The following SMARCAL1 variants were observed in gnomAD, a reference collection of about 807,000 sequenced individuals.
The protein encoded by SMARCAL1 is SNF2 related chromatin remodeling annealing helicase 1.
In SMARCAL1, 58 loss-of-function variants were observed where a neutral mutation model predicts 94.5. That is an observed-to-expected ratio of 0.61 (90% confidence interval 0.50 to 0.76). The LOEUF (loss-of-function observed/expected upper bound fraction) is 0.76, where lower values mean the gene tolerates loss of function less well. Ranked by LOEUF, SMARCAL1 falls within the 30% of genes least tolerant of loss-of-function variation. SMARCAL1 has a pLI of 0.00. For synonymous variants in SMARCAL1, 422 were observed against 455.1 expected, an observed-to-expected ratio of 0.93 and a Z score of 0.93; for missense variants, 1,051 against 1,177.9, an observed-to-expected ratio of 0.89 and a Z score of 1.58.
chr2:216,438,397 C>T, intron 9 of SMARCAL1, 23 bp from the exon 10 acceptor site: 1 of 1,609,068 alleles, frequency 6.2e-7, no homozygotes, highest in Non-Finnish European at 8.5e-7. Flanking sequence ...ATCTTGTACA[C>T]TTATGTGGCT....
chr2:216,424,598 C>T (rs1381888557), intron 6 of SMARCAL1, among the ~76,000 whole-genome samples: 1 of 152,192 alleles, frequency 6.6e-6, no homozygotes. Context: ...AACTGGGTTC[C>T]TTCCTTTTGT....
At chr2:216,452,395 A>G (rs1236428134) in intron 12 of SMARCAL1, among the ~76,000 whole-genome samples, 2 of 152,230 alleles carry the variant, frequency 1.3e-5, no homozygotes, top group Non-Finnish European at 2.9e-5. Context: ...CAGACAAGAA[A>G]ACCAGTGAAC....
In SMARCAL1 at chr2:216,420,487, C is replaced by T; in HGVS notation, c.1051C>T (p.Gln351Ter). ...AYFEADISYSQDLIALFKQMD... is the reference protein window; with the variant it reads ...AYFEADISYS ...CTTCGAGGCAGACATCAGTTATTCA[C>T]AGGACCTTATTGCGCTTTTTAAACA... Residue 351 changes from glutamine to a stop codon, truncating the protein, a stop_gained, in exon 5 of 18, where the codon CAG (glutamine) becomes TAG (stop). Coordinates refer to ENST00000357276, the MANE Select transcript of SMARCAL1 (RefSeq NM_014140.4). LOFTEE classifies it high-confidence loss of function. The T allele has an allele frequency of 6.2e-7, 1 of 1,614,234 alleles. No homozygotes were observed. Among genetic ancestry groups the T allele is most frequent in the South Asian group, 1.1e-5 (1 of 91,088 alleles).
intron 7 of SMARCAL1, among the ~76,000 whole-genome samples, chr2:216,432,450 C>T (rs1344865327): frequency 6.6e-6 from 1 of 152,188 alleles, no homozygotes; most frequent in Non-Finnish European, 1.5e-5. Flanking sequence ...TCTTTGGCCT[C>T]CACGACCTAA....
chr2:216,450,288 C>T (rs1426797425), intron 11 of SMARCAL1, among the ~76,000 whole-genome samples: 2 of 152,224 alleles, frequency 1.3e-5, no homozygotes, highest in African/African-American at 4.8e-5. Context: ...ATGTGGTGGG[C>T]TCCTCCTGCC....
chr2:216,464,763 T>G, intron 13 of SMARCAL1, 96 bp downstream of exon 13: 1 of 884,612 alleles, frequency 1.1e-6, no homozygotes, highest in East Asian at 2.4e-5. Flanking sequence ...TTTTACTGCG[T>G]CTAAGAAATG....
chr2:216,458,895 C>T (rs1694633874), intron 12 of SMARCAL1, among the ~76,000 whole-genome samples: 1 of 152,122 alleles, frequency 6.6e-6, no homozygotes, highest in African/African-American at 2.4e-5. Context: ...GTCAAATTGT[C>T]CCTGTTTGCA....
At chr2:216,477,703 C>T (rs1449222240) in intron 16 of SMARCAL1, among the ~76,000 whole-genome samples, 4 of 152,154 alleles carry the variant, frequency 2.6e-5, no homozygotes, top group African/African-American at 7.2e-5. Context: ...ATTTTCAACC[C>T]TAGGGTTTTC....
Position 216,450,888 on chromosome 2 carries a change from G to A in SMARCAL1, c.1894G>A (p.Glu632Lys). ...CTACTCAGGTTCCTCCAACCTGGGA[G>A]AGCTGAAGCTCCTGCTGGAGGAAGC... ...WDYSGSSNLGELKLLLEEAVM... is the reference protein window; with the variant it reads ...WDYSGSSNLGKLKLLLEEAVM... The change falls in exon 12 of 18, where the codon GAG (glutamate) becomes AAG (lysine). Residue 632 changes from glutamate to lysine, a missense_variant. Glu to Lys is a moderately conservative substitution (Grantham distance 56). Around this residue, in one of 3 missense-constraint regions of SMARCAL1, gnomAD observed 642 missense variants for 754.7 expected, o/e 0.85. Transcript: ENST00000357276. 1 of 1,614,220 alleles carries A rather than the reference G, an allele frequency of 6.2e-7. No homozygotes were observed. Among genetic ancestry groups the A allele is most frequent in the South Asian group, 1.1e-5 (1 of 91,090 alleles).
At chr2:216,447,518 T>C (rs1356598990) in intron 11 of SMARCAL1, among the ~76,000 whole-genome samples, 7 of 152,048 alleles carry the variant, frequency 4.6e-5, no homozygotes, top group African/African-American at 1.4e-4. Context: ...AAAGTCCTTG[T>C]CAAGTGCTGG....
intron 6 of SMARCAL1, among the ~76,000 whole-genome samples, chr2:216,424,227 T>C (rs1290858258): frequency 6.6e-6 from 1 of 152,186 alleles, no homozygotes; most frequent in Admixed American, 6.5e-5. Flanking sequence ...TGTGTACAGA[T>C]AGCATAAGTG....
At chr2:216,456,441 G>A (rs1694570254) in intron 12 of SMARCAL1, among the ~76,000 whole-genome samples, 1 of 152,232 alleles carries the variant, frequency 6.6e-6, no homozygotes, top group South Asian at 2.1e-4. Context: ...AAGGCAGCCA[G>A]AGAGAAAGGT....
intron 16 of SMARCAL1, 95 bp from the exon 17 acceptor site, chr2:216,478,108 C>T (rs1280649691): frequency 9.1e-6 from 9 of 984,990 alleles, no homozygotes; most frequent in Admixed American, 5.1e-5. Flanking sequence ...GTAAACAAGC[C>T]GTTGTCCCAT....
chr2:216,469,656 CTATCGTGTGAATA>C (rs1694919056), intron 14 of SMARCAL1, among the ~76,000 whole-genome samples: 1 of 152,122 alleles, frequency 6.6e-6, no homozygotes, highest in African/African-American at 2.4e-5. Context: ...CTGATGGTTG[CTATCGTGTGAATA>C]TTATAGTAGG....
chr2:216,474,682 G>T (rs544716291), intron 14 of SMARCAL1, among the ~76,000 whole-genome samples: 2 of 152,094 alleles, frequency 1.3e-5, no homozygotes, highest in African/African-American at 4.8e-5. Context: ...TTGAACCCCA[G>T]GGGGCGGAGG....
At chr2:216,429,424 G>A (rs1278860587) in intron 7 of SMARCAL1, among the ~76,000 whole-genome samples, 1 of 152,304 alleles carries the variant, frequency 6.6e-6, no homozygotes. Flanking sequence ...GAAAGTCAAG[G>A]TGCTCTTATT....
intron 14 of SMARCAL1, among the ~76,000 whole-genome samples, chr2:216,468,726 G>GT (rs151292401): frequency 0.097 from 14,694 of 152,062 alleles, 883 homozygotes; most frequent in South Asian, 0.18. Flanking sequence ...TTATTTCAAG[G>GT]TTTTTTTATT....
chr2:216,464,923 A>T (rs772352916), intron 13 of SMARCAL1, among the ~76,000 whole-genome samples: 3 of 152,146 alleles, frequency 2.0e-5, no homozygotes, highest in Admixed American at 6.5e-5. Context: ...AGGTGGGAGG[A>T]TTGCTTGAGT....
At chr2:216,439,864 C>G (rs1694160196) in intron 10 of SMARCAL1, among the ~76,000 whole-genome samples, 1 of 152,024 alleles carries the variant, frequency 6.6e-6, no homozygotes. Context: ...GAGTTTGAGA[C>G]CAGTCTGAGC....
Sources: allele counts gnomAD v4.1 joint callset (sites outside exome capture counted in the v4.1 genomes callset), GRCh38; gene constraint gnomAD v4.1.1; regional missense constraint gnomAD v4.1.1; transcripts MANE v1.5; gene names NCBI Gene and HGNC (gene_info 2026-07-23, HGNC 2026-07-21).